DUSP29: variants seen among roughly 807,000 people sequenced by gnomAD.
DUSP29 encodes atypical dual-specific protein phosphatase.
DUSP29 carries 12 observed loss-of-function variants against 13.5 expected under a neutral mutation model. That is an observed-to-expected ratio of 0.89 (90% CI 0.57 to 1.44). The LOEUF is 1.44. DUSP29 is among the 40% of genes most tolerant of loss of function. The pLI, the probability that DUSP29 is intolerant of heterozygous loss-of-function variation, is 0.00. For missense variants in DUSP29, 308 were observed against 301.1 expected (o/e 1.02, Z -0.17); for synonymous variants, 134 against 128.7 (o/e 1.04, Z -0.28).
In DUSP29 at chr10:75,040,710, G is replaced by A. The variant is rs369888722; in HGVS notation, c.422-2633C>T. Among the ~76,000 whole-genome samples, 8 of 152,330 alleles carry A rather than the reference G, an allele frequency of 5.3e-5. 1 individual carries two copies. Among genetic ancestry groups the A allele is most frequent in the Admixed American group, 1.3e-4 (2 of 15,308 alleles). On this transcript the variant is annotated intron_variant, in intron 3 of 3. Coordinates refer to ENST00000338487, the MANE Select transcript of DUSP29 (RefSeq NM_001003892.3). ...GCTGGTAGGCAGGTGTCCTGATGGC[G>A]CTGCCTCTGATTAGCTCTGTGACCC...
intron 2 of DUSP29, among the ~76,000 whole-genome samples, chr10:75,057,815 T>C (rs1009005462): frequency 3.3e-5 from 5 of 152,206 alleles, no homozygotes; most frequent in African/African-American, 4.8e-5. Flanking sequence ...TTGAGGGTAT[T>C]ATAGCTAGCT....
At chr10:75,040,413 A>T (rs935733899) in intron 3 of DUSP29, among the ~76,000 whole-genome samples, 2 of 152,228 alleles carry the variant, frequency 1.3e-5, no homozygotes, top group African/African-American at 4.8e-5. Context: ...TTCTTAGAAG[A>T]CTTCATTAAA....
chr10:75,046,860 C>T (rs1846718300), intron 2 of DUSP29, among the ~76,000 whole-genome samples: 1 of 152,232 alleles, frequency 6.6e-6, no homozygotes, highest in South Asian at 2.1e-4. Context: ...ATCAACCTCA[C>T]TTTGAGGTTG....
At chr10:75,054,928 C>T (rs549862962) in intron 2 of DUSP29, among the ~76,000 whole-genome samples, 3 of 152,244 alleles carry the variant, frequency 2.0e-5, no homozygotes, top group Admixed American at 6.5e-5. Flanking sequence ...TAGCCATGAC[C>T]TCCTGGACTC....
At chr10:75,072,958 T>A (rs527394014) in intron 1 of DUSP29, among the ~76,000 whole-genome samples, 1 of 152,090 alleles carries the variant, frequency 6.6e-6, no homozygotes, top group African/African-American at 2.4e-5. Flanking sequence ...GCCTACACTC[T>A]TGGTCCAGTG....
chr10:75,038,418 G>A lies in DUSP29; in HGVS notation c.422-341C>T, dbSNP rs182381181. On this transcript the variant is annotated intron_variant, in intron 3 of 3. Coordinates refer to ENST00000338487, the MANE Select transcript of DUSP29 (RefSeq NM_001003892.3). ...TGATTGCTGTTTCGGATCTGGGGGAGGCTGGTCCCAGGTTCTCCCTGGCAT... is the reference window on the plus strand; with the variant it reads ...TGATTGCTGTTTCGGATCTGGGGGAAGCTGGTCCCAGGTTCTCCCTGGCAT... Among the ~76,000 whole-genome samples, 10 of 152,244 alleles carry A rather than the reference G, an allele frequency of 6.6e-5. No homozygotes were observed. In the East Asian group the frequency reaches 1.9e-3, roughly 29 times the overall value.
At chr10:75,067,654 G>A (rs1329056899) in intron 1 of DUSP29, among the ~76,000 whole-genome samples, 1 of 152,184 alleles carries the variant, frequency 6.6e-6, no homozygotes, top group African/African-American at 2.4e-5. Context: ...TCGGAAAGGG[G>A]TGTGCTGAGC....
intron 2 of DUSP29, among the ~76,000 whole-genome samples, chr10:75,049,168 C>G (rs150273099): frequency 1.1e-3 from 169 of 151,120 alleles, no homozygotes; most frequent in African/African-American, 3.6e-3. Flanking sequence ...CAGTAATGAA[C>G]GAGTCATATA....
intron 3 of DUSP29, 33 bp downstream of exon 3, chr10:75,043,764 G>C: frequency 2.5e-6 from 4 of 1,580,772 alleles, no homozygotes; most frequent in Non-Finnish European, 3.4e-6. Flanking sequence ...GGGCGGGGCG[G>C]GGCCGATCGG....
chr10:75,052,558 C>A (rs1349588244), intron 2 of DUSP29, among the ~76,000 whole-genome samples: 1 of 152,164 alleles, frequency 6.6e-6, no homozygotes, highest in African/African-American at 2.4e-5. Flanking sequence ...CCGCCTGCCT[C>A]GGCCTCCCAA....
chr10:75,053,908 G>T (rs1257340181), intron 2 of DUSP29, among the ~76,000 whole-genome samples: 1 of 152,148 alleles, frequency 6.6e-6, no homozygotes, highest in Non-Finnish European at 1.5e-5. Flanking sequence ...AATAATATTT[G>T]TAAAATGGTT....
chr10:75,057,125 A>AT (rs1458069551), intron 2 of DUSP29, among the ~76,000 whole-genome samples: 5 of 151,998 alleles, frequency 3.3e-5, no homozygotes, highest in African/African-American at 1.2e-4. Flanking sequence ...AAAATAAAAA[A>AT]TTAGCCAGGT....
intron 2 of DUSP29, among the ~76,000 whole-genome samples, chr10:75,049,929 G>A (rs997360735): frequency 6.6e-6 from 1 of 152,212 alleles, no homozygotes; most frequent in East Asian, 1.9e-4. Flanking sequence ...GCAGGCCTTG[G>A]CAGGAATCTG....
At chr10:75,039,289 T>C (rs931228928) in intron 3 of DUSP29, among the ~76,000 whole-genome samples, 1 of 152,162 alleles carries the variant, frequency 6.6e-6, no homozygotes, top group African/African-American at 2.4e-5. Context: ...GTCCTTATGT[T>C]CTCACATACA....
At chr10:75,059,357 G>A (rs1374855299) in intron 1 of DUSP29, among the ~76,000 whole-genome samples, 2 of 152,224 alleles carry the variant, frequency 1.3e-5, no homozygotes, top group Non-Finnish European at 2.9e-5. Context: ...TGTTTCCTGA[G>A]CTGAGTAAAT....
intron 2 of DUSP29, among the ~76,000 whole-genome samples, chr10:75,054,539 A>T (rs1198135708): frequency 6.6e-6 from 1 of 152,226 alleles, no homozygotes; most frequent in Admixed American, 6.5e-5. Flanking sequence ...TATAAAAACA[A>T]ATTCCAAAAC....
chr10:75,047,388 G>A (rs1846728344), intron 2 of DUSP29, among the ~76,000 whole-genome samples: 1 of 152,230 alleles, frequency 6.6e-6, no homozygotes. Context: ...TGGGACAGAT[G>A]CCCAGCTCAG....
rs867146328 is a variant in DUSP29 at position 75,037,599 on chromosome 10, G to A, written c.*237C>T. Among the ~76,000 whole-genome samples the A allele has an allele frequency of 6.6e-5, 10 of 152,180 alleles. No homozygotes were observed. Among genetic ancestry groups the A allele is most frequent in the African/African-American group, 2.4e-4 (10 of 41,452 alleles). The stretch of plus-strand genomic sequence containing the variant: ...TTGGTGCAGCGTGGCATGCTCCTCT[G>A]TGACCCAGAGCCGGGGAGCCCGTCC... On this transcript the variant is annotated 3_prime_UTR_variant, in exon 4 of 4. Coordinates refer to ENST00000338487, the MANE Select transcript of DUSP29 (RefSeq NM_001003892.3).
intron 1 of DUSP29, among the ~76,000 whole-genome samples, chr10:75,067,530 G>C (rs1355756561): frequency 6.6e-6 from 1 of 152,146 alleles, no homozygotes; most frequent in South Asian, 2.1e-4. Flanking sequence ...ATGAGGAGTG[G>C]CATCGTTCCC....
Sources: allele counts gnomAD v4.1 joint callset (sites outside exome capture counted in the v4.1 genomes callset), GRCh38; gene constraint gnomAD v4.1.1; transcripts MANE v1.5; gene names NCBI Gene and HGNC (gene_info 2026-07-23, HGNC 2026-07-21).